Variants in POLE observed in about 807,000 individuals in gnomAD.
The protein encoded by POLE is DNA polymerase epsilon catalytic subunit A.
POLE carries 188 observed loss-of-function variants against 279.2 expected under a neutral mutation model. The ratio of observed to expected loss-of-function variants is 0.67; its 90% confidence interval spans 0.60 to 0.76. The LOEUF (loss-of-function observed/expected upper bound fraction) is 0.76. Ranked by LOEUF, POLE falls within the 30% of genes least tolerant of loss-of-function variation. POLE has a pLI of 0.00. For synonymous variants in POLE, 1,214 were observed against 1,172.5 expected (o/e 1.04, Z -0.72); for missense variants, 2,703 against 3,016.7 (o/e 0.90, Z 2.44).
rs1565938547 is a variant in POLE, at chr12:132,642,961, C to T, written c.4587G>A (p.Leu1529=). 1 of 1,602,122 alleles carries T rather than the reference C, an allele frequency of 6.2e-7. No homozygotes were observed. Residue 1529 remains leucine, a synonymous_variant, in exon 36 of 49, where the codon CTG becomes CTA. Coordinates refer to ENST00000320574, the MANE Select transcript of POLE (RefSeq NM_006231.4). ...GGAGGAGGCCGTGCTCTGCTGAGTA[C>T]AGGGCGCCAAGGCTGGGCATCTGGT... ...RSNQMPSLGA[L]YSAEHGLLLE...
rs190584658 is a variant in POLE, at chr12:132,671,178, G to A, written c.1794+1037C>T. 2.5e-3 allele frequency among the ~76,000 whole-genome samples: 365 copies of A among 146,056 alleles called. 1 individual carries two copies. Among genetic ancestry groups the A allele is most frequent in the African/African-American group, 8.7e-3 (340 of 39,174 alleles). On this transcript the variant is annotated intron_variant, in intron 16 of 48. Coordinates refer to ENST00000320574, the MANE Select transcript of POLE (RefSeq NM_006231.4). ...CTCAGGAGGCTGAGACAGGAGAATC[G>A]CTTGAACCCAGGAGGCAAAGGTTGC...
In POLE at chr12:132,675,490, G is replaced by C. The variant is rs878854839; in HGVS notation, c.1134C>G (p.Val378=). Reference sequence around the variant, plus strand: ...TCTCCTGCTGCATGCTCAGACCGTGGACTGCTGCCCGGGCCTCCACAAATG... The same window carrying C: ...TCTCCTGCTGCATGCTCAGACCGTGCACTGCTGCCCGGGCCTCCACAAATG... ...DWPFVEARAA[V]HGLSMQQEIG... Residue 378 remains valine (V), a synonymous_variant, in exon 12 of 49, where the codon GTC becomes GTG. Coordinates refer to ENST00000320574, the MANE Select transcript of POLE (RefSeq NM_006231.4). The surrounding 1 kb of genome is among the most constrained non-coding windows in gnomAD (Gnocchi z 4.3). The C allele has an allele frequency of 1.2e-6, 2 of 1,614,024 alleles. No individual in the cohort carries two copies. Among genetic ancestry groups the C allele is most frequent in the African/African-American group, 2.7e-5 (2 of 74,912 alleles).
At chr12:132,629,672 T>C (rs1487114985) in intron 45 of POLE, among the ~76,000 whole-genome samples, 2 of 152,240 alleles carry the variant, frequency 1.3e-5, no homozygotes, top group Non-Finnish European at 2.9e-5. Context: ...GGGGATGTTA[T>C]ATCTGGTTTG....
chr12:132,665,431 G>A lies in POLE; in HGVS notation c.2339C>T (p.Ser780Leu), dbSNP rs778288256. The A allele has an allele frequency of 3.0e-5, 49 of 1,611,234 alleles. No homozygotes were observed. The highest frequency in any genetic ancestry group is 3.3e-4 in the Middle Eastern group (2 of 6,082). ...GLHKVWKKKL[S>L]AAVEVGDAAE... ...CGCGTCGCCCACCTCCACGGCCGCC[G>A]AGAGCTTCTTTTTCCACACCTGAGA... The change falls in exon 21 of 49, where the codon TCG becomes TTG. Residue 780 changes from serine to leucine, a missense_variant. Physicochemically the swap from Ser to Leu is moderately radical, Grantham distance 145. This residue lies in a region of POLE where 1,011 missense variants were observed against 1,111.7 expected (regional missense o/e 0.91). Coordinates refer to ENST00000320574, the MANE Select transcript of POLE (RefSeq NM_006231.4).
At position 132,672,228 on chromosome 12, in the gene POLE, G is replaced by A. The variant is rs574033788; in HGVS notation, c.1781C>T (p.Thr594Ile). Residue 594 changes from threonine to isoleucine, a missense_variant, in exon 16 of 49, where the codon ACC becomes ATC. By Grantham distance (89) the Thr-to-Ile change is moderately conservative. Transcript: ENST00000320574. Reference protein sequence around the residue: ...EEEKVPVEQVTNFEEVCDEIK... With the variant: ...EEEKVPVEQVINFEEVCDEIK... The stretch of plus-strand genomic sequence containing the variant: ...CCTGATGGTTACCTCTTCAAAGTTG[G>A]TGACTTGCTCCACAGGCACTTTCTC... 4.0e-5 allele frequency: 65 copies of A among 1,613,560 alleles called. No individual in the cohort carries two copies. The South Asian group carries it at 6.9e-4, about 17-fold the overall frequency.
intron 29 of POLE, among the ~76,000 whole-genome samples, chr12:132,652,243 TG>T (rs1161450127): frequency 6.6e-6 from 1 of 152,016 alleles, no homozygotes; most frequent in Non-Finnish European, 1.5e-5. Context: ...GTTTTTCACA[TG>T]TGCCTTAAAA....
intron 29 of POLE, chr12:132,651,531 G>C (rs6560895): frequency 0.5 from 75,935 of 152,126 alleles, 19,558 homozygotes; most frequent in East Asian, 0.7. Context: ...CTCATCAACA[G>C]TAAGGCTGAA....
chr12:132,656,492 A>G (rs372323320), intron 29 of POLE, among the ~76,000 whole-genome samples: 4 of 151,684 alleles, frequency 2.6e-5, no homozygotes, highest in African/African-American at 9.7e-5. Flanking sequence ...CCGAGTAGCT[A>G]GGACTACAGG....
chr12:132,632,693 T>A lies in POLE; in HGVS notation c.6107A>T (p.Glu2036Val), dbSNP rs751818136. Residue 2036 changes from glutamate to valine, a missense_variant, in exon 44 of 49, where the codon GAG becomes GTG. Glu to Val is a moderately radical substitution (Grantham distance 121). This residue lies in a region of POLE where 1,551 missense variants were observed against 1,686.1 expected (regional missense o/e 0.92). Coordinates refer to ENST00000320574, the MANE Select transcript of POLE (RefSeq NM_006231.4). ...RRRGASQLSQ[E>V]AEGAVGALPG... ...AAGGGCTCCGACCGCCCCCTCGGCC[T>A]CCTGGGAGAGCTGGCTGGCCCCCCT... is the stretch of plus-strand genomic sequence containing the variant. 16 of 1,613,854 alleles carry A rather than the reference T, an allele frequency of 9.9e-6. No individual in the cohort carries two copies. The highest frequency in any genetic ancestry group is 1.2e-5 in the Non-Finnish European group (14 of 1,180,014).
intron 1 of POLE, among the ~76,000 whole-genome samples, chr12:132,682,606 T>A (rs1177650969): frequency 1.3e-5 from 2 of 152,186 alleles, no homozygotes; most frequent in Non-Finnish European, 2.9e-5. Flanking sequence ...GATACGGGAA[T>A]CTCTGTATCA....
Position 132,667,202 on chromosome 12 carries a change from T to A in POLE, c.2319+301A>T, listed in dbSNP as rs4883577. On this transcript the variant is annotated intron_variant, in intron 20 of 48. Transcript: ENST00000320574. ...AGAGATAAACAATAGGCGAAGGCAG[T>A]TGGGTTCGTAAAACTTGATGTACTC... Among the ~76,000 whole-genome samples, 74,818 of 151,966 alleles carry A rather than the reference T, an allele frequency of 0.49. 18,918 individuals carry two copies. The highest frequency in any genetic ancestry group is 0.7 in the East Asian group (3,624 of 5,164).
intron 26 of POLE, 79 bp downstream of exon 26, chr12:132,659,216 C>A: frequency 7.0e-6 from 10 of 1,437,512 alleles, no homozygotes; most frequent in Non-Finnish European, 9.5e-6. Flanking sequence ...GGAGCCCTCA[C>A]CTCTCCGTGA....
chr12:132,639,492 T>C lies in POLE; in HGVS notation c.5379-194A>G, dbSNP rs993850524. The stretch of plus-strand genomic sequence containing the variant: ...CATCCCTTCACCCTCATGCCTCATC[T>C]GTTTCTTCCCATTTCATTCCTTAAA... On this transcript the variant is annotated intron_variant, in intron 39 of 48. Transcript: ENST00000320574. This position sits in a 1 kb window ranked among gnomAD's most constrained non-coding sequence, Gnocchi z 4.7. 6.6e-6 allele frequency among the ~76,000 whole-genome samples: 1 copy of C among 152,258 alleles called. No individual in the cohort carries two copies. The highest frequency in any genetic ancestry group is 2.4e-5 in the African/African-American group (1 of 41,472).
rs1593087295 is a variant in POLE, at chr12:132,680,684, C to T, written c.208G>A (p.Glu70Lys). 2 of 1,612,524 alleles carry T rather than the reference C, an allele frequency of 1.2e-6. No homozygotes were observed. The highest frequency in any genetic ancestry group is 2.2e-5 in the South Asian group (2 of 91,048). Residue 70 changes from glutamate (E) to lysine (K), a missense_variant, in exon 3 of 49, where the codon GAG (glutamate) becomes AAG (lysine). Glu to Lys is a moderately conservative substitution (Grantham distance 56, BLOSUM62 1). Coordinates refer to ENST00000320574, the MANE Select transcript of POLE (RefSeq NM_006231.4). ...TGWLINMHPT[E>K]ILDEDKRLGS... ...AAGCGCTTATCTTCATCTAAAATCT[C>T]GGTCTACAAGAGAATCAGTCAACAC...
rs5745078 is a variant in POLE at position 132,625,317 on chromosome 12, T to G, written c.6658-323A>C. The G allele has an allele frequency of 4.6e-4, 334 of 725,356 alleles. No homozygotes were observed. In the African/African-American group the frequency reaches 5.1e-3, roughly 11 times the overall value. The allele number at this position is 725,356 out of a possible 1,614,324, so 44.9% of individuals were successfully genotyped here. Reference sequence around the variant, plus strand: ...CGGCAGCTTGGCGCGTCCCCCAGCCTCTGCTCAGATGCCCCTCGGCAAGAC... The same window carrying G: ...CGGCAGCTTGGCGCGTCCCCCAGCCGCTGCTCAGATGCCCCTCGGCAAGAC... On this transcript the variant is annotated intron_variant, in intron 47 of 48. Coordinates refer to ENST00000320574, the MANE Select transcript of POLE (RefSeq NM_006231.4).
At chr12:132,660,775 G>A (rs1007904223) in intron 25 of POLE, 194 bp downstream of exon 25, 2 of 438,162 alleles carry the variant, frequency 4.6e-6, no homozygotes, top group Non-Finnish European at 8.1e-6. Flanking sequence ...TTCCCTCAGA[G>A]TTGTGTCCCT....
chr12:132,643,867 C>T lies in POLE; in HGVS notation c.4260G>A (p.Ala1420=), dbSNP rs750810969. 3.9e-5 allele frequency: 63 copies of T among 1,614,050 alleles called. No homozygotes were observed. Among genetic ancestry groups the T allele is most frequent in the Admixed American group, 5.0e-5 (3 of 60,002 alleles). The change falls in exon 33 of 49, where the codon GCG becomes GCA. Residue 1420 remains alanine, a synonymous_variant. Transcript: ENST00000320574. ...HINEINAELS[A]PDIEGVYETQ... is the part of the protein sequence containing the mutation. ...TCTCATATACGCCCTCGATGTCTGG[C>T]GCTGACAGCTCAGCGTTGATCTCGT...
intron 45 of POLE, among the ~76,000 whole-genome samples, chr12:132,631,070 GTGAA>G (rs1403457238): frequency 2.6e-5 from 4 of 152,238 alleles, no homozygotes; most frequent in South Asian, 2.1e-4. Context: ...CCTTCCACCA[GTGAA>G]TGAAAAGCAA....
Position 132,681,190 on chromosome 12 carries a change from T to A in POLE, c.152A>T (p.Glu51Val), listed in dbSNP as rs2043159542. Residue 51 changes from glutamate to valine, a missense_variant, in exon 2 of 49, where the codon GAG (glutamate) becomes GTG (valine). Coordinates refer to ENST00000320574, the MANE Select transcript of POLE (RefSeq NM_006231.4). ...TDKMDLRFGF[E>V]RLKEPGEKTG... ...CTTCTCACCAGGCTCCTTCAGCCGC[T>A]CAAAACCAAACCGCAAATCCATCTT... 1 of 1,614,082 alleles carries A rather than the reference T, an allele frequency of 6.2e-7. No homozygotes were observed. The highest frequency in any genetic ancestry group is 8.5e-7 in the Non-Finnish European group (1 of 1,180,030).
Sources: allele counts gnomAD v4.1 joint callset (sites outside exome capture counted in the v4.1 genomes callset), GRCh38; gene constraint gnomAD v4.1.1; regional missense constraint gnomAD v4.1.1; non-coding constraint Gnocchi (gnomAD v3.1); transcripts MANE v1.5; gene names NCBI Gene and HGNC (gene_info 2026-07-23, HGNC 2026-07-21).